TENM2: variants seen among roughly 807,000 people sequenced by gnomAD.
TENM2 encodes the protein teneurin transmembrane protein 2, also known as teneurin-2.
A neutral mutation model predicts 245.2 loss-of-function variants in TENM2; 52 were observed. That is an observed-to-expected ratio of 0.21 (90% confidence interval 0.17 to 0.27). The LOEUF is 0.27. TENM2 is among the 10% of genes least tolerant of loss of function. TENM2 has a pLI of 1.00. For missense variants in TENM2, 3,046 were observed against 3,666.8 expected, an observed-to-expected ratio of 0.83 and a Z score of 4.37; for synonymous variants, 1,363 against 1,438.9, an observed-to-expected ratio of 0.95 and a Z score of 1.19.
chr5:168,242,776 A>T (rs1441357560), intron 25 of TENM2, among the ~76,000 whole-genome samples: 1 of 152,064 alleles, frequency 6.6e-6, no homozygotes, highest in Non-Finnish European at 1.5e-5. Context: ...AACATGGTGA[A>T]ACCTCGTCTC....
chr5:167,933,092 C>T (rs548214849), intron 3 of TENM2, among the ~76,000 whole-genome samples: 1 of 152,298 alleles, frequency 6.6e-6, no homozygotes, highest in South Asian at 2.1e-4. Flanking sequence ...CAATTCAGAG[C>T]ACGGTCAGTG....
Position 167,947,403 on chromosome 5 carries a change from A to G in TENM2, c.713-5185A>G, listed in dbSNP as rs143196841. Among the ~76,000 whole-genome samples, 708 of 152,312 alleles carry G rather than the reference A, an allele frequency of 4.6e-3. 9 individuals carry two copies. The highest frequency in any genetic ancestry group is 0.016 in the African/African-American group (669 of 41,562). ...CATGTATGAGAAGTAAGATTACTAT[A>G]TCCATTTTACAAGTGAACGACTCAG... On this transcript the variant is annotated intron_variant, in intron 3 of 28. Coordinates refer to ENST00000518659, the Ensembl canonical transcript of TENM2.
exon 24 of TENM2, chr5:168,226,144 G>A (rs759301289): frequency 8.1e-6 from 13 of 1,613,680 alleles, no homozygotes; most frequent in African/African-American, 1.3e-5. Flanking sequence ...GTGGTAACCA[G>A]TCTGCACCGG....
chr5:167,482,673 G>A (rs906029751), intron 2 of TENM2, among the ~76,000 whole-genome samples: 51 of 152,132 alleles, frequency 3.4e-4, no homozygotes, highest in African/African-American at 1.2e-3. Context: ...TCGTACAGCA[G>A]TATTTATGGC....
intron 2 of TENM2, among the ~76,000 whole-genome samples, chr5:167,772,903 A>C (rs1034382936): frequency 6.6e-6 from 1 of 152,222 alleles, no homozygotes; most frequent in Admixed American, 6.5e-5. Context: ...CCTCCAGAGA[A>C]ATAGGATTTA....
the TENM2 span, among the ~76,000 whole-genome samples, chr5:166,985,111 T>C: frequency 6.6e-6 from 1 of 152,104 alleles, no homozygotes; most frequent in African/African-American, 2.4e-5. Context: ...CTAAAGCATA[T>C]TAGAAAGGTG....
chr5:167,742,784 CAA>C (rs796154169), intron 2 of TENM2, among the ~76,000 whole-genome samples: 12 of 133,306 alleles, frequency 9.0e-5, no homozygotes, highest in African/African-American at 8.3e-5. Context: ...CCATCTCTAC[CAA>C]AAAAAAAAAA....
intron 15 of TENM2, among the ~76,000 whole-genome samples, chr5:168,195,529 T>C (rs10516045): frequency 0.024 from 3,553 of 149,690 alleles, 126 homozygotes; most frequent in East Asian, 0.19. Context: ...CCACCTCGTT[T>C]TTTTAATGTC....
the TENM2 span, among the ~76,000 whole-genome samples, chr5:167,180,103 CTTT>C: frequency 1.2e-4 from 14 of 114,956 alleles, no homozygotes; most frequent in African/African-American, 5.5e-4. Context: ...TAAGTGCTTC[CTTT>C]TTTTTTTTTT....
rs147691629 is a variant in TENM2 at position 167,832,266 on chromosome 5, T to A, written c.503-43720T>A. 9.6e-4 allele frequency among the ~76,000 whole-genome samples: 146 copies of A among 152,314 alleles called. 4 individuals are homozygous for A. In the East Asian group the frequency reaches 0.027, roughly 28 times the overall value. On this transcript the variant is annotated intron_variant, in intron 2 of 28. Coordinates refer to ENST00000518659, the Ensembl canonical transcript of TENM2. Reference sequence around the variant, plus strand: ...CATGCTTTTAATGAGGTCAGGACAATAAACCATCTGAGCAGAAGCTGCTGC... The same window carrying A: ...CATGCTTTTAATGAGGTCAGGACAAAAAACCATCTGAGCAGAAGCTGCTGC...
At chr5:168,057,049 G>T (rs1483105499) in intron 6 of TENM2, among the ~76,000 whole-genome samples, 1 of 151,924 alleles carries the variant, frequency 6.6e-6, no homozygotes, top group Non-Finnish European at 1.5e-5. Flanking sequence ...TATATATATA[G>T]AGAGAAAGAA....
At chr5:167,972,770 T>C in intron 4 of TENM2, among the ~76,000 whole-genome samples, 1 of 152,324 alleles carries the variant, frequency 6.6e-6, no homozygotes, top group East Asian at 1.9e-4. Context: ...ATTTCAGACA[T>C]AGAATTAAGA....
chr5:167,463,263 T>A (rs1766436418), intron 2 of TENM2, among the ~76,000 whole-genome samples: 1 of 152,162 alleles, frequency 6.6e-6, no homozygotes, highest in Non-Finnish European at 1.5e-5. Context: ...TAATAGTCAT[T>A]AGACTAGTCT....
At chr5:168,227,903 C>T (rs369955307) in exon 25 of TENM2, 35 of 1,591,708 alleles carry the variant, frequency 2.2e-5, no homozygotes, top group East Asian at 4.5e-5. Flanking sequence ...AGATCAAGTT[C>T]GGAACAGCTA....
the TENM2 span, among the ~76,000 whole-genome samples, chr5:167,110,293 T>C: frequency 6.6e-6 from 1 of 152,330 alleles, no homozygotes; most frequent in African/African-American, 2.4e-5. Context: ...TCTTGTGTAC[T>C]GGGGGATGAC....
At chr5:167,929,164 AAAG>A (rs937429892) in intron 3 of TENM2, among the ~76,000 whole-genome samples, 50 of 149,656 alleles carry the variant, frequency 3.3e-4, no homozygotes, top group Middle Eastern at 3.4e-3. Context: ...GGAAGGAAGG[AAAG>A]AAGGAGGGAA....
rs145825362 is a variant in TENM2 at position 168,063,914 on chromosome 5, G to A, written c.1515+1649G>A. Among the ~76,000 whole-genome samples, 417 of 152,146 alleles carry A rather than the reference G, an allele frequency of 2.7e-3. 8 individuals carry two copies. Among genetic ancestry groups the A allele is most frequent in the Admixed American group, 0.021 (319 of 15,270 alleles). On this transcript the variant is annotated intron_variant, in intron 7 of 28. Coordinates refer to ENST00000518659, the Ensembl canonical transcript of TENM2. ...AGGTTTTTATGATCATACACAGCCC[G>A]TGCTATAGGGACCAATATGTAATGT...
intron 12 of TENM2, among the ~76,000 whole-genome samples, chr5:168,137,651 G>C (rs1038237095): frequency 6.6e-6 from 1 of 152,222 alleles, no homozygotes; most frequent in African/African-American, 2.4e-5. Context: ...AGCCCAGAAA[G>C]CCTAAATGTC....
At chr5:167,724,540 C>G (rs1344270476) in intron 2 of TENM2, among the ~76,000 whole-genome samples, 3 of 151,924 alleles carry the variant, frequency 2.0e-5, no homozygotes, top group Non-Finnish European at 4.4e-5. Flanking sequence ...GGAGGGAAGA[C>G]AGTAGAGTAG....
Sources: gnomAD v4.1 joint callset for allele counts (sites outside exome capture counted in the v4.1 genomes callset) on GRCh38, gnomAD v4.1.1 for gene constraint, MANE v1.5 for transcripts, NCBI Gene and HGNC (gene_info 2026-07-23, HGNC 2026-07-21) for gene names.